Variants in ITIH5 observed in about 807,000 individuals in gnomAD.
ITIH5 encodes the protein inter-alpha-trypsin inhibitor heavy chain H5.
ITIH5 carries 65 observed loss-of-function variants against 77.5 expected under a neutral mutation model. That is an observed-to-expected ratio of 0.84 (90% confidence interval 0.69 to 1.03). The LOEUF is 1.03. Among genes scored for constraint, ITIH5 ranks in the 50% least tolerant of loss-of-function variants. The pLI is 0.00. For missense variants in ITIH5, 1,208 were observed against 1,213.1 expected, an observed-to-expected ratio of 1.00 and a Z score of 0.06; for synonymous variants, 525 against 494.3, an observed-to-expected ratio of 1.06 and a Z score of -0.82.
At chr10:7,628,902 T>C (rs200350169) in intron 5 of ITIH5, among the ~76,000 whole-genome samples, 14,873 of 116,070 alleles carry the variant, frequency 0.13, 2,971 homozygotes, top group African/African-American at 0.29. Context: ...TGTTGTGGCA[T>C]GCATCCATGT....
At chr10:7,664,220 T>C (rs1834324121) in intron 1 of ITIH5, among the ~76,000 whole-genome samples, 1 of 152,012 alleles carries the variant, frequency 6.6e-6, no homozygotes, top group Admixed American at 6.6e-5. Context: ...GCCAACGTGA[T>C]GTATTTTTGT....
chr10:7,578,033 A>T (rs1832460996), intron 9 of ITIH5, among the ~76,000 whole-genome samples: 1 of 152,218 alleles, frequency 6.6e-6, no homozygotes. Context: ...CTTACAATCC[A>T]TGCTGGCTTT....
In ITIH5 at chr10:7,617,242, AT is replaced by A; in HGVS notation, c.692del (p.Asn231MetfsTer7). On this transcript the variant is annotated frameshift_variant, in exon 6 of 14. Transcript: ENST00000397146. LOFTEE classifies it high-confidence loss of function. ...GPPPSTVINQ[N>X]ETFANIIFKP... is the part of the protein sequence containing the mutation. ...TAAAAATTATGTTGGCAAATGTTTC[AT>A]TTTGGTTAATGACAGTAGATGGGGG... 1 of 1,599,350 alleles carries A rather than the reference AT, an allele frequency of 6.3e-7. No homozygotes were observed. Among genetic ancestry groups the A allele is most frequent in the Non-Finnish European group, 8.5e-7 (1 of 1,173,714 alleles).
In ITIH5 at chr10:7,637,339, G is replaced by C; in HGVS notation, c.541C>G (p.Leu181Val). The change falls in exon 5 of 14, where the codon CTG becomes GTG. Residue 181 changes from leucine to valine, a missense_variant. Coordinates refer to ENST00000397146, the MANE Select transcript of ITIH5 (RefSeq NM_030569.7). ...EHSISVRPQQ[L>V]SGRLSVDVNI... is the part of the protein sequence containing the mutation. The stretch of plus-strand genomic sequence containing the variant: ...ACGTCCACGCTCAGCCTCCCGGACA[G>C]CTGCTGGGGCCGCACGCTGATGCTG... 6.2e-7 allele frequency: 1 copy of C among 1,614,174 alleles called. No individual in the cohort carries two copies. The highest frequency in any genetic ancestry group is 1.7e-5 in the Admixed American group (1 of 60,036).
intron 8 of ITIH5, among the ~76,000 whole-genome samples, chr10:7,583,521 AT>A (rs1252882274): frequency 6.6e-6 from 1 of 152,142 alleles, no homozygotes; most frequent in South Asian, 2.1e-4. Flanking sequence ...TTTAGTAGAG[AT>A]GGGGTTTCAC....
rs572715196 is a variant in ITIH5 at position 7,572,002 on chromosome 10, C to T, written c.2032+1140G>A. The T allele has an allele frequency of 1.7e-5, 17 of 1,004,800 alleles. No individual in the cohort carries two copies. The East Asian group carries it at 1.3e-3, about 76-fold the overall frequency. The allele number at this position is 1,004,800 out of a possible 1,614,324, so 62.2% of individuals were successfully genotyped here. A position where few individuals can be genotyped will look rare whatever the true frequency, so the allele number is the denominator to read the frequency against. ...CCACACCATTTCTACTCAAATTGTCCAAATTTCTTTACAAGGAAAGATAGT... is the reference window on the plus strand; with the variant it reads ...CCACACCATTTCTACTCAAATTGTCTAAATTTCTTTACAAGGAAAGATAGT... On this transcript the variant is annotated intron_variant, in intron 11 of 13. Coordinates refer to ENST00000397146, the MANE Select transcript of ITIH5 (RefSeq NM_030569.7).
chr10:7,629,324 TGTTGTAGCGTGTGC>T (rs1833667920), intron 5 of ITIH5, among the ~76,000 whole-genome samples: 3 of 124,892 alleles, frequency 2.4e-5, no homozygotes, highest in Admixed American at 8.6e-5. Context: ...CGTGTGCCCA[TGTTGTAGCGTGTGC>T]CCATGTTGTA....
chr10:7,591,556 A>T (rs927257963), intron 7 of ITIH5, among the ~76,000 whole-genome samples: 3 of 151,984 alleles, frequency 2.0e-5, no homozygotes, highest in Middle Eastern at 6.8e-3. Flanking sequence ...TGCCGCCATG[A>T]CTTCTGCAAG....
chr10:7,646,812 C>A (rs990063417), intron 2 of ITIH5, among the ~76,000 whole-genome samples: 1 of 152,128 alleles, frequency 6.6e-6, no homozygotes, highest in Non-Finnish European at 1.5e-5. Context: ...TAGGCTTTAC[C>A]GGTCACCTGG....
At chr10:7,592,910 A>C (rs1223198249) in intron 7 of ITIH5, among the ~76,000 whole-genome samples, 1 of 152,176 alleles carries the variant, frequency 6.6e-6, no homozygotes, top group East Asian at 1.9e-4. Flanking sequence ...TGCTGGGCCC[A>C]GTTCTCAGGC....
rs1833110659 is a variant in ITIH5, at chr10:7,605,684, G to T, written c.939+10298C>A. 2.0e-5 allele frequency among the ~76,000 whole-genome samples: 3 copies of T among 152,118 alleles called. No individual in the cohort carries two copies. In the South Asian group the frequency reaches 6.2e-4, roughly 32 times the overall value. ...TGCTATCAGGCAATGCCAGCGCTTA[G>T]GAATTTTACCCAGTTGCAATTTCAA... On this transcript the variant is annotated intron_variant, in intron 7 of 13. Transcript: ENST00000397146.
chr10:7,666,952 G>A lies in ITIH5; in HGVS notation c.-60C>T, dbSNP rs1834374698. ...GCGGGACACGCTTTGCAGCGCCCAG[G>A]GCTCCAGCCACTGCGGGACGCTCTC... On this transcript the variant is annotated 5_prime_UTR_variant, in exon 1 of 14. Transcript: ENST00000397146. 1.4e-6 allele frequency: 2 copies of A among 1,395,678 alleles called. No individual in the cohort carries two copies. Among genetic ancestry groups the A allele is most frequent in the Non-Finnish European group, 1.9e-6 (2 of 1,026,718 alleles). The allele number at this position is 1,395,678 out of a possible 1,614,324, so 86.5% of individuals were successfully genotyped here.
intron 7 of ITIH5, among the ~76,000 whole-genome samples, chr10:7,613,791 C>A (rs191560991): frequency 6.6e-6 from 1 of 151,604 alleles, no homozygotes; most frequent in Admixed American, 6.6e-5. Context: ...CACATCCCCT[C>A]TGTAGCTTAG....
At chr10:7,580,382 A>G (rs1016478710) in intron 8 of ITIH5, among the ~76,000 whole-genome samples, 1 of 152,198 alleles carries the variant, frequency 6.6e-6, no homozygotes, top group African/African-American at 2.4e-5. Flanking sequence ...GGCCTCCCAA[A>G]GTGCTGGAAT....
At chr10:7,636,326 T>A (rs1036357174) in intron 5 of ITIH5, among the ~76,000 whole-genome samples, 1 of 152,198 alleles carries the variant, frequency 6.6e-6, no homozygotes, top group African/African-American at 2.4e-5. Flanking sequence ...GTATCTTACA[T>A]CTATACTAAG....
chr10:7,653,841 T>C (rs1379280680), intron 2 of ITIH5, among the ~76,000 whole-genome samples: 3 of 152,198 alleles, frequency 2.0e-5, no homozygotes, highest in Non-Finnish European at 1.5e-5. Flanking sequence ...ATCTGTAAAA[T>C]GCCTCAAATA....
intron 7 of ITIH5, among the ~76,000 whole-genome samples, chr10:7,599,194 T>C (rs985754304): frequency 6.6e-6 from 1 of 152,212 alleles, no homozygotes; most frequent in Admixed American, 6.5e-5. Flanking sequence ...ATGTGGAAGG[T>C]CAGTACTTCA....
chr10:7,561,101 T>G lies in ITIH5; in HGVS notation c.*1982A>C, dbSNP rs1832032221. ...AGGAAGAAAAAAGGTGATATTTTTC[T>G]AAAGTAAAATATAATTTTTAAAAAT... On this transcript the variant is annotated 3_prime_UTR_variant, in exon 14 of 14. Coordinates refer to ENST00000397146, the MANE Select transcript of ITIH5 (RefSeq NM_030569.7). The G allele has an allele frequency of 1.3e-5, 2 of 152,106 alleles. No homozygotes were observed. The highest frequency in any genetic ancestry group is 2.9e-5 in the Non-Finnish European group (2 of 67,996). The allele number at this position is 152,106 out of a possible 1,614,324, so 9.4% of individuals were successfully genotyped here. A position where few individuals can be genotyped will look rare whatever the true frequency, so the allele number is the denominator to read the frequency against.
chr10:7,634,821 C>T (rs544734781), intron 5 of ITIH5, among the ~76,000 whole-genome samples: 2 of 152,168 alleles, frequency 1.3e-5, no homozygotes, highest in Admixed American at 6.5e-5. Context: ...ACCCTCCTTA[C>T]GAGATCCTGA....
Sources: gnomAD v4.1 joint callset for allele counts (sites outside exome capture counted in the v4.1 genomes callset) on GRCh38, gnomAD v4.1.1 for gene constraint, MANE v1.5 for transcripts, NCBI Gene and HGNC (gene_info 2026-07-23, HGNC 2026-07-21) for gene names.